PTPRG: variants seen among roughly 807,000 people sequenced by gnomAD.
PTPRG encodes protein tyrosine phosphatase receptor type G, also known as receptor-type tyrosine-protein phosphatase gamma.
In PTPRG, 102 loss-of-function variants were observed where a neutral mutation model predicts 165.3. The observed-to-expected ratio is 0.62, with a 90% confidence interval of 0.53 to 0.73. The LOEUF (loss-of-function observed/expected upper bound fraction) is 0.73, where lower values mean the gene tolerates loss of function less well. Among genes scored for constraint, PTPRG ranks in the 30% least tolerant of loss-of-function variants. The probability of loss-of-function intolerance (pLI) is 0.00; values close to 1 mark genes in which losing one functional copy is unlikely to be tolerated. For missense variants in PTPRG, 1,866 were observed against 1,861.4 expected (o/e 1.00, Z -0.05); for synonymous variants, 675 against 669.5 (o/e 1.01, Z -0.13).
chr3:62,262,509 A>G (rs1360017477), intron 16 of PTPRG: 1 of 251,206 alleles, frequency 4.0e-6, no homozygotes, highest in Non-Finnish European at 7.5e-6. Flanking sequence ...TTTCTCACCC[A>G]TAGACTATGA....
At chr3:62,205,171 G>T (rs996964774) in intron 12 of PTPRG, among the ~76,000 whole-genome samples, 1 of 151,930 alleles carries the variant, frequency 6.6e-6, no homozygotes, top group African/African-American at 2.4e-5. Flanking sequence ...TTGAAGTGGG[G>T]GTCTCCTGTG....
At chr3:61,724,292 G>C (rs904880051) in intron 1 of PTPRG, among the ~76,000 whole-genome samples, 1 of 151,400 alleles carries the variant, frequency 6.6e-6, no homozygotes, top group Non-Finnish European at 1.5e-5. Flanking sequence ...TAGTGCCCCT[G>C]ATCTCCATCC....
At chr3:61,979,562 A>T (rs1299290680) in intron 2 of PTPRG, among the ~76,000 whole-genome samples, 1 of 48,762 alleles carries the variant, frequency 2.1e-5, no homozygotes, top group African/African-American at 1.2e-4. Context: ...TTTTATGACT[A>T]GTATTTCTGC....
chr3:61,624,623 T>C (rs1247113829), intron 1 of PTPRG, among the ~76,000 whole-genome samples: 1 of 152,130 alleles, frequency 6.6e-6, no homozygotes, highest in South Asian at 2.1e-4. Flanking sequence ...TTAACCCTTA[T>C]ATGTTTAAGC....
chr3:61,978,554 T>G (rs1441907580), intron 2 of PTPRG, among the ~76,000 whole-genome samples: 1 of 152,230 alleles, frequency 6.6e-6, no homozygotes. Context: ...TTCTTTCGTA[T>G]TATAAACATT....
chr3:61,916,989 A>G (rs1023263391), intron 2 of PTPRG, among the ~76,000 whole-genome samples: 9 of 152,156 alleles, frequency 5.9e-5, no homozygotes, highest in African/African-American at 1.9e-4. Flanking sequence ...TTTTCCTTGC[A>G]TTCTGAGCTG....
intron 2 of PTPRG, among the ~76,000 whole-genome samples, chr3:61,780,926 C>T (rs993233807): frequency 1.3e-5 from 2 of 152,192 alleles, no homozygotes; most frequent in African/African-American, 2.4e-5. Context: ...ATTTTGCTAA[C>T]AAAAACATGA....
intron 12 of PTPRG, among the ~76,000 whole-genome samples, chr3:62,216,930 G>A (rs750432667): frequency 2.6e-5 from 4 of 152,110 alleles, no homozygotes; most frequent in African/African-American, 9.7e-5. Context: ...ACTTGCCTTC[G>A]TTGGGGAGCT....
intron 1 of PTPRG, among the ~76,000 whole-genome samples, chr3:61,607,626 T>C (rs1701050411): frequency 6.6e-6 from 1 of 152,194 alleles, no homozygotes; most frequent in African/African-American, 2.4e-5. Flanking sequence ...ACAAACTTAA[T>C]TATTAATCTG....
intron 1 of PTPRG, among the ~76,000 whole-genome samples, chr3:61,572,117 T>C (rs1006231368): frequency 4.6e-5 from 7 of 152,228 alleles, no homozygotes; most frequent in Non-Finnish European, 8.8e-5. Flanking sequence ...TGTGAGGGTT[T>C]GCTTCCTAAG....
intron 26 of PTPRG, among the ~76,000 whole-genome samples, chr3:62,280,061 A>C (rs899002158): frequency 6.6e-6 from 1 of 152,074 alleles, no homozygotes; most frequent in Non-Finnish European, 1.5e-5. Context: ...CCAAGCCTGC[A>C]TATCTATTTT....
At chr3:61,669,917 C>T (rs879566690) in intron 1 of PTPRG, among the ~76,000 whole-genome samples, 1 of 152,140 alleles carries the variant, frequency 6.6e-6, no homozygotes, top group Non-Finnish European at 1.5e-5. Flanking sequence ...TGTAGGGCTG[C>T]TCTTCGTGGA....
intron 2 of PTPRG, among the ~76,000 whole-genome samples, chr3:61,790,467 A>G (rs751709969): frequency 6.6e-6 from 1 of 152,208 alleles, no homozygotes; most frequent in Non-Finnish European, 1.5e-5. Flanking sequence ...GTTCTATTTT[A>G]CTGAAAACAT....
intron 25 of PTPRG, 40 bp downstream of exon 25, chr3:62,277,088 C>T: frequency 2.0e-6 from 3 of 1,533,098 alleles, no homozygotes; most frequent in Non-Finnish European, 2.7e-6. Context: ...GTCAACTAAA[C>T]TGAAAGGTGT....
chr3:61,958,694 A>G (rs541485693), intron 2 of PTPRG, among the ~76,000 whole-genome samples: 2 of 152,318 alleles, frequency 1.3e-5, no homozygotes, highest in African/African-American at 4.8e-5. Context: ...AAAGGTAGAC[A>G]TTGAATCTTA....
intron 2 of PTPRG, among the ~76,000 whole-genome samples, chr3:61,793,753 T>C (rs952060255): frequency 6.6e-6 from 1 of 151,884 alleles, no homozygotes; most frequent in Non-Finnish European, 1.5e-5. Context: ...CTTGTTGTTG[T>C]TTTTTTTCTG....
intron 1 of PTPRG, among the ~76,000 whole-genome samples, chr3:61,687,664 G>T (rs1703676332): frequency 6.6e-6 from 1 of 152,208 alleles, no homozygotes; most frequent in African/African-American, 2.4e-5. Context: ...TTTAAGTAAG[G>T]CTTTGTGGCT....
intron 23 of PTPRG, among the ~76,000 whole-genome samples, chr3:62,274,468 T>G (rs572897476): frequency 6.6e-6 from 1 of 152,288 alleles, no homozygotes; most frequent in East Asian, 1.9e-4. Flanking sequence ...TCAAAATTGC[T>G]TCTAACTTTC....
intron 2 of PTPRG, among the ~76,000 whole-genome samples, chr3:61,852,003 G>C (rs638552): frequency 0.16 from 24,005 of 152,020 alleles, 1,888 homozygotes; most frequent in Middle Eastern, 0.19. Flanking sequence ...TAGATTTTGA[G>C]GTAATCTCTT....
Sources: allele counts gnomAD v4.1 joint callset (sites outside exome capture counted in the v4.1 genomes callset), GRCh38; gene constraint gnomAD v4.1.1; transcripts MANE v1.5; gene names NCBI Gene and HGNC (gene_info 2026-07-23, HGNC 2026-07-21).